NAALADL2: variants seen among roughly 807,000 people sequenced by gnomAD.
NAALADL2 encodes the protein N-acetylated alpha-linked acidic dipeptidase like 2, also known as inactive N-acetylated-alpha-linked acidic dipeptidase-like protein 2.
A neutral mutation model predicts 87.2 loss-of-function variants in NAALADL2; 76 were observed. That is an observed-to-expected ratio of 0.87 (90% CI 0.72 to 1.05). NAALADL2 has a LOEUF of 1.05. Ranked by LOEUF, NAALADL2 falls within the 50% of genes least tolerant of loss-of-function variation. NAALADL2 has a pLI of 0.00. For missense variants in NAALADL2, 1,089 were observed against 945.8 expected (o/e 1.15, Z -1.99); for synonymous variants, 354 against 331.0 (o/e 1.07, Z -0.75).
intron 11 of NAALADL2, among the ~76,000 whole-genome samples, chr3:175,640,062 G>A (rs1729086531): frequency 6.6e-6 from 1 of 152,162 alleles, no homozygotes; most frequent in African/African-American, 2.4e-5. Flanking sequence ...AACGTGATTT[G>A]TATGTTGGAT....
chr3:175,180,528 T>G (rs1234645757), intron 2 of NAALADL2, among the ~76,000 whole-genome samples: 2 of 151,964 alleles, frequency 1.3e-5, no homozygotes, highest in Admixed American at 1.3e-4. Context: ...AAGAATGAAG[T>G]GATCCTTCTG....
chr3:174,826,034 C>CAAA (rs1201334747), intron 3 of NAALADL2, among the ~76,000 whole-genome samples: 2 of 146,090 alleles, frequency 1.4e-5, no homozygotes, highest in Non-Finnish European at 2.9e-5. Flanking sequence ...TCTCAAACAA[C>CAAA]AACAACAACA....
At position 175,751,447 on chromosome 3, in the gene NAALADL2, G is replaced by A. The variant is rs185566217; in HGVS notation, c.1991-3773G>A. 5.3e-5 allele frequency among the ~76,000 whole-genome samples: 8 copies of A among 152,116 alleles called. No individual in the cohort carries two copies. The East Asian group carries it at 1.5e-3, about 29-fold the overall frequency. On this transcript the variant is annotated intron_variant, in intron 12 of 13. Transcript: ENST00000454872. ...AAAGCTGTTACAATATTTTTTCCATGCCTTTAAAAAATGGGTTTGTAGTAA... is the reference window on the plus strand; with the variant it reads ...AAAGCTGTTACAATATTTTTTCCATACCTTTAAAAAATGGGTTTGTAGTAA...
At chr3:174,823,865 C>T (rs1721697246) in intron 3 of NAALADL2, among the ~76,000 whole-genome samples, 1 of 152,150 alleles carries the variant, frequency 6.6e-6, no homozygotes, top group Non-Finnish European at 1.5e-5. Context: ...CATGCACCAC[C>T]ATGCCCAGCT....
intron 1 of NAALADL2, among the ~76,000 whole-genome samples, chr3:174,999,713 G>C (rs559837346): frequency 1.3e-5 from 2 of 152,298 alleles, no homozygotes; most frequent in Admixed American, 1.3e-4. Flanking sequence ...ATTAACTACT[G>C]AAAGTGCATA....
At chr3:175,673,692 C>T (rs1734309558) in intron 11 of NAALADL2, among the ~76,000 whole-genome samples, 1 of 151,966 alleles carries the variant, frequency 6.6e-6, no homozygotes, top group African/African-American at 2.4e-5. Context: ...CCTGATAACA[C>T]AATTCCTCTC....
At chr3:174,450,699 G>A (rs1217333060) in intron 1 of NAALADL2, among the ~76,000 whole-genome samples, 6 of 151,636 alleles carry the variant, frequency 4.0e-5, no homozygotes, top group South Asian at 2.1e-4. Flanking sequence ...GTGAAACCCC[G>A]TCTCCACTAA....
At chr3:175,449,394 C>CTTCTGTTTTTTT (rs1212551637) in intron 6 of NAALADL2, among the ~76,000 whole-genome samples, 1 of 48,536 alleles carries the variant, frequency 2.1e-5, no homozygotes, top group Non-Finnish European at 4.7e-5. Flanking sequence ...TAATTTTCTT[C>CTTCTGTTTTTTT]TTTTTTTTTT....
intron 2 of NAALADL2, among the ~76,000 whole-genome samples, chr3:174,608,539 A>G (rs1719389331): frequency 6.6e-6 from 1 of 151,658 alleles, no homozygotes. Flanking sequence ...AAACACCTCT[A>G]CGCAAATAAA....
At chr3:175,024,328 C>A (rs1190986268) in intron 1 of NAALADL2, among the ~76,000 whole-genome samples, 1 of 151,994 alleles carries the variant, frequency 6.6e-6, no homozygotes, top group East Asian at 1.9e-4. Flanking sequence ...GCCAATGAAA[C>A]TCAGGTACTG....
intron 1 of NAALADL2, among the ~76,000 whole-genome samples, chr3:174,951,886 C>A (rs1740422581): frequency 6.6e-6 from 1 of 152,096 alleles, no homozygotes; most frequent in African/African-American, 2.4e-5. Flanking sequence ...TAGCCTTGGT[C>A]TGTTATTATT....
intron 2 of NAALADL2, among the ~76,000 whole-genome samples, chr3:174,649,086 C>A (rs1724094376): frequency 6.6e-6 from 1 of 152,092 alleles, no homozygotes; most frequent in African/African-American, 2.4e-5. Context: ...GCCTCAGCCT[C>A]CCAAGTAGCT....
At chr3:175,190,701 G>A (rs901244429) in intron 2 of NAALADL2, among the ~76,000 whole-genome samples, 4 of 152,158 alleles carry the variant, frequency 2.6e-5, no homozygotes, top group Admixed American at 1.3e-4. Context: ...TATGGGCCGG[G>A]CGCGGTGGCT....
chr3:174,569,911 T>C (rs1208462305), intron 2 of NAALADL2, among the ~76,000 whole-genome samples: 1 of 152,154 alleles, frequency 6.6e-6, no homozygotes, highest in Non-Finnish European at 1.5e-5. Flanking sequence ...ACTCAGGGCC[T>C]GCACTGTGAA....
At chr3:174,852,034 A>G (rs1440035573) in intron 3 of NAALADL2, among the ~76,000 whole-genome samples, 1 of 152,148 alleles carries the variant, frequency 6.6e-6, no homozygotes, top group African/African-American at 2.4e-5. Context: ...ACATACCTTC[A>G]TGAGAAAAAC....
intron 2 of NAALADL2, among the ~76,000 whole-genome samples, chr3:174,674,266 T>C (rs1726837347): frequency 6.6e-6 from 1 of 151,974 alleles, no homozygotes; most frequent in Non-Finnish European, 1.5e-5. Flanking sequence ...TCATGAGGGA[T>C]ACACTGCCCA....
Position 174,720,665 on chromosome 3 carries a change from G to A in NAALADL2, c.-114-16976G>A, listed in dbSNP as rs987473208. Among the ~76,000 whole-genome samples, 5 of 152,038 alleles carry A rather than the reference G, an allele frequency of 3.3e-5. No homozygotes were observed. The East Asian group carries it at 5.8e-4, about 18-fold the overall frequency. ...ATGTGTAAATGAAAAAAAAATTATC[G>A]TTACAAAAGTGGGCATTGGGAATGC... On this transcript the variant is annotated intron_variant, in intron 2 of 3. Transcript: ENST00000434257.
chr3:175,803,297 C>T lies in NAALADL2; in HGVS notation c.*94C>T, dbSNP rs1754415732. On this transcript the variant is annotated 3_prime_UTR_variant, in exon 14 of 14. Coordinates refer to ENST00000454872, the MANE Select transcript of NAALADL2 (RefSeq NM_207015.3). Reference sequence around the variant, plus strand: ...TTCTGACATTGAAGGCTTATTTTCCCCAATGGCTTTTTGACAAGTATAAAG... The same window carrying T: ...TTCTGACATTGAAGGCTTATTTTCCTCAATGGCTTTTTGACAAGTATAAAG... 1 of 787,214 alleles carries T rather than the reference C, an allele frequency of 1.3e-6. No individual in the cohort carries two copies. Among genetic ancestry groups the T allele is most frequent in the Non-Finnish European group, 2.0e-6 (1 of 511,118 alleles). The allele number at this position is 787,214 out of a possible 1,614,324, so 48.8% of individuals were successfully genotyped here.
At chr3:175,202,054 T>A (rs1458202984) in intron 2 of NAALADL2, among the ~76,000 whole-genome samples, 1 of 152,200 alleles carries the variant, frequency 6.6e-6, no homozygotes, top group South Asian at 2.1e-4. Flanking sequence ...TATTTATTTT[T>A]TTTTTTACAT....
Sources: allele counts gnomAD v4.1 joint callset (sites outside exome capture counted in the v4.1 genomes callset), GRCh38; gene constraint gnomAD v4.1.1; transcripts MANE v1.5; gene names NCBI Gene and HGNC (gene_info 2026-07-23, HGNC 2026-07-21).